PUDP: variants seen among roughly 807,000 people sequenced by gnomAD.
PUDP encodes the protein pseudouridine 5'-phosphatase, also known as pseudouridine-5'-phosphatase.
In PUDP, 8 loss-of-function variants were observed where a neutral mutation model predicts 9.4. That is an observed-to-expected ratio of 0.85 (90% CI 0.50 to 1.53). The LOEUF is 1.53. Among genes scored for constraint, PUDP ranks in the 40% most tolerant of loss-of-function variants. The pLI is 0.00. For synonymous variants in PUDP, 99 were observed against 80.7 expected, an observed-to-expected ratio of 1.23 and a Z score of -1.22; for missense variants, 188 against 189.7, an observed-to-expected ratio of 0.99 and a Z score of 0.05.
chrX:6,943,980 C>A (rs1318167415), intron 3 of PUDP, among the ~76,000 whole-genome samples: 1 of 111,701 alleles, frequency 9.0e-6, no homozygotes, highest in East Asian at 2.8e-4. Context: ...TCATTCCTTC[C>A]ATTTGGTCAT....
intron 3 of PUDP, among the ~76,000 whole-genome samples, chrX:6,754,581 T>TA (rs1187828403): frequency 9.2e-6 from 1 of 108,916 alleles, no homozygotes; most frequent in Non-Finnish European, 1.9e-5. Context: ...CAGACTATTA[T>TA]AAAATATTAG....
chrX:6,993,208 C>T (rs1929209450), intron 1 of PUDP, among the ~76,000 whole-genome samples: 1 of 111,298 alleles, frequency 9.0e-6, no homozygotes, highest in Non-Finnish European at 1.9e-5. Flanking sequence ...ATACCTCTAT[C>T]CTATTAGTCC....
downstream of PUDP, chrX:7,048,878 T>A (rs998117374): frequency 3.6e-5 from 4 of 112,352 alleles, no homozygotes; most frequent in African/African-American, 1.3e-4. Context: ...GAAGACTGTT[T>A]TTTTCTTTTT....
chrX:6,752,297 G>T (rs1437806143), intron 3 of PUDP, among the ~76,000 whole-genome samples: 1 of 111,175 alleles, frequency 9.0e-6, no homozygotes, highest in Admixed American at 9.6e-5. Context: ...ACCCCCAAAG[G>T]TTCTGAGTTA....
At chrX:6,964,274 C>G (rs895519221) in intron 3 of PUDP, among the ~76,000 whole-genome samples, 1 of 112,227 alleles carries the variant, frequency 8.9e-6, no homozygotes, top group Non-Finnish European at 1.9e-5. Context: ...AATGCACATT[C>G]TATATACTTT....
At chrX:7,086,116 C>A in intron 2 of PUDP, among the ~76,000 whole-genome samples, 1 of 111,521 alleles carries the variant, frequency 9.0e-6, no homozygotes, top group South Asian at 3.8e-4. Context: ...CCTCCCTACT[C>A]CCTGAATTTC....
At chrX:6,843,718 C>T (rs745539194) in intron 3 of PUDP, among the ~76,000 whole-genome samples, 1 of 111,950 alleles carries the variant, frequency 8.9e-6, no homozygotes, top group South Asian at 3.8e-4. Context: ...TCAATATGGT[C>T]CTGAAATCAA....
chrX:6,747,239 T>A (rs748690032), intron 3 of PUDP, among the ~76,000 whole-genome samples: 1 of 112,239 alleles, frequency 8.9e-6, no homozygotes, highest in East Asian at 2.8e-4. Context: ...CTGGTTTCAG[T>A]ACACGGGCAG....
chrX:6,988,921 T>G (rs911409354), intron 1 of PUDP, among the ~76,000 whole-genome samples: 2 of 111,477 alleles, frequency 1.8e-5, no homozygotes, highest in Non-Finnish European at 3.8e-5. Flanking sequence ...ACTCAGTCAG[T>G]GCTGAAACAG....
intron 3 of PUDP, among the ~76,000 whole-genome samples, chrX:6,945,729 A>G (rs1361633633): frequency 3.6e-5 from 4 of 111,838 alleles, no homozygotes; most frequent in Admixed American, 9.5e-5. Context: ...GAAACACAGA[A>G]AAAAAAGCAA....
chrX:6,897,573 T>C (rs58401630), intron 3 of PUDP, among the ~76,000 whole-genome samples: 30,084 of 110,328 alleles, frequency 0.27, 3,180 homozygotes, highest in East Asian at 0.51. Context: ...GTCGTTTAAC[T>C]GCCCCCTGCC....
At chrX:7,086,076 T>C (rs1931254857) in intron 2 of PUDP, among the ~76,000 whole-genome samples, 2 of 111,644 alleles carry the variant, frequency 1.8e-5, no homozygotes, top group Admixed American at 1.9e-4. Context: ...CAATTTTCAC[T>C]TCCCCAACTC....
chrX:6,902,242 C>T (rs1313995591), intron 3 of PUDP, among the ~76,000 whole-genome samples: 1 of 111,770 alleles, frequency 8.9e-6, no homozygotes, highest in Non-Finnish European at 1.9e-5. Flanking sequence ...AAATTACATG[C>T]TAAAATCACA....
intron 2 of PUDP, among the ~76,000 whole-genome samples, chrX:7,087,204 C>T (rs763335576): frequency 9.0e-6 from 1 of 111,714 alleles, no homozygotes; most frequent in African/African-American, 3.2e-5. Flanking sequence ...AAGGTTGGAC[C>T]CTAAATCCAA....
chrX:7,093,722 C>T (rs1453394011), intron 2 of PUDP, among the ~76,000 whole-genome samples: 4 of 111,757 alleles, frequency 3.6e-5, no homozygotes, highest in Non-Finnish European at 5.6e-5. Flanking sequence ...TCCTTTGAAT[C>T]GAGAGGTCCT....
At chrX:7,050,500 G>A (rs1930069714) in intron 3 of PUDP, 28 bp from the exon 4 acceptor site, 1 of 1,159,854 alleles carries the variant, frequency 8.6e-7, no homozygotes, top group Non-Finnish European at 1.2e-6. Context: ...AAGTCGAGAT[G>A]GCCTTTTATG....
At position 6,989,535 on chromosome X, in the gene PUDP, G is replaced by C. The variant is rs141824932; in HGVS notation, c.205-11192C>G. ...AGGAGTCCACTCTTCATCATGTGTT[G>C]AGATTTCATGGTGGTGCTAAGAAAA... On this transcript the variant is annotated intron_variant and NMD_transcript_variant, in intron 1 of 3. Transcript: ENST00000655425. The C allele has an allele frequency of 4.2e-3, 635 of 149,965 alleles. 4 individuals carry two copies. The highest frequency in any genetic ancestry group is 0.019 in the African/African-American group (613 of 32,252). The allele number at this position is 149,965 out of a possible 1,213,427, so 12.4% of individuals were successfully genotyped here. A position where few individuals can be genotyped will look rare whatever the true frequency, so the allele number is the denominator to read the frequency against.
At chrX:7,089,211 T>C (rs1238353168) in intron 2 of PUDP, among the ~76,000 whole-genome samples, 2 of 111,412 alleles carry the variant, frequency 1.8e-5, no homozygotes, top group African/African-American at 6.5e-5. Flanking sequence ...AGTTACTACC[T>C]GTAGTCAGTT....
intron 3 of PUDP, among the ~76,000 whole-genome samples, chrX:6,834,998 C>A (rs751576130): frequency 2.7e-5 from 3 of 111,214 alleles, no homozygotes; most frequent in African/African-American, 9.8e-5. Flanking sequence ...AAAGGTGGTT[C>A]TGGATGGTTT....
Sources: allele counts gnomAD v4.1 joint callset (sites outside exome capture counted in the v4.1 genomes callset), GRCh38; gene constraint gnomAD v4.1.1; transcripts MANE v1.5; gene names NCBI Gene and HGNC (gene_info 2026-07-23, HGNC 2026-07-21).